PGBD1: variants seen among roughly 807,000 people sequenced by gnomAD.
PGBD1 encodes the protein piggyBac transposable element derived 1, also known as piggyBac transposable element-derived protein 1.
Under a neutral mutation model 34.7 loss-of-function variants are expected in PGBD1, and 25 were observed. The observed-to-expected ratio is 0.72, with a 90% confidence interval of 0.52 to 1.00. PGBD1 has a LOEUF of 1.00. Among genes scored for constraint, PGBD1 ranks in the 50% least tolerant of loss-of-function variants. The pLI, the probability that PGBD1 is intolerant of heterozygous loss-of-function variation, is 0.00. For missense variants in PGBD1, 830 were observed against 959.4 expected (o/e 0.87, Z 1.78); for synonymous variants, 292 against 335.7 (o/e 0.87, Z 1.42).
chr6:28,286,488 A>G (rs1581629315), intron 3 of PGBD1, among the ~76,000 whole-genome samples: 2 of 152,270 alleles, frequency 1.3e-5, no homozygotes, highest in Admixed American at 1.3e-4. Flanking sequence ...TATTTTGAGG[A>G]TTGGAAATAA....
rs1561892123 is a variant in PGBD1 at position 28,300,625 on chromosome 6, C to T, written c.870-99C>T. ...GAAATAAGTAAGTATCCCCCCACAC[C>T]CACCCCAAGCCCCAAAAGATTTAAG... On this transcript the variant is annotated intron_variant, in intron 6 of 6. Coordinates refer to ENST00000682144, the MANE Select transcript of PGBD1 (RefSeq NM_032507.4). This position sits in a 1 kb window ranked among gnomAD's most constrained non-coding sequence, Gnocchi z 4.0. The T allele has an allele frequency of 2.2e-6, 3 of 1,384,420 alleles. No homozygotes were observed. The highest frequency in any genetic ancestry group is 2.9e-6 in the Non-Finnish European group (3 of 1,027,724). 85.8% of individuals were successfully genotyped at this position (1,384,420 alleles called of 1,614,324 possible). A position where few individuals can be genotyped will look rare whatever the true frequency, so the allele number is the denominator to read the frequency against.
chr6:28,295,281 A>C (rs1401676527), intron 4 of PGBD1, among the ~76,000 whole-genome samples: 3 of 152,186 alleles, frequency 2.0e-5, no homozygotes, highest in African/African-American at 7.2e-5. Flanking sequence ...GATTGAATCT[A>C]CTCCTGGTGA....
At chr6:28,296,788 A>G in intron 4 of PGBD1, 28 bp from the exon 5 acceptor site, 1 of 1,613,028 alleles carries the variant, frequency 6.2e-7, no homozygotes. Context: ...GAAAACAAAG[A>G]GGCTATTTTC....
rs373880207 is a variant in PGBD1 at position 28,300,735 on chromosome 6, C to T, written c.881C>T (p.Pro294Leu). 104 of 1,610,128 alleles carry T rather than the reference C, an allele frequency of 6.5e-5. No individual in the cohort carries two copies. The Middle Eastern group carries it at 1.5e-3, about 23-fold the overall frequency. ...ASGKPNRECAPQIPCSTPIAT... is the reference protein window; with the variant it reads ...ASGKPNRECALQIPCSTPIAT... ...TTTTTCTTTCCCAGAGAGTGTGCAC[C>T]CCAGATTCCTTGTAGTACTCCTATT... Residue 294 changes from proline (P) to leucine (L), a missense_variant, in exon 7 of 7, where the codon CCC becomes CTC. Transcript: ENST00000682144. This position sits in a 1 kb window ranked among gnomAD's most constrained non-coding sequence, Gnocchi z 4.0.
Position 28,297,828 on chromosome 6 carries a change from T to G in PGBD1, c.773-67T>G, listed in dbSNP as rs902068485. ...CCCTACCCTGGAAGTTTTTTTTTTTTTTTTTTTTTTTTTTTTTCAAAATTC... is the reference window on the plus strand; with the variant it reads ...CCCTACCCTGGAAGTTTTTTTTTTTGTTTTTTTTTTTTTTTTTCAAAATTC... On this transcript the variant is annotated intron_variant, in intron 5 of 6. Coordinates refer to ENST00000682144, the MANE Select transcript of PGBD1 (RefSeq NM_032507.4). 862 of 281,140 alleles carry G rather than the reference T, an allele frequency of 3.1e-3. 2 individuals carry two copies. Among genetic ancestry groups the G allele is most frequent in the South Asian group, 5.0e-3 (69 of 13,688 alleles). The allele number at this position is 281,140 out of a possible 1,614,324, so 17.4% of individuals were successfully genotyped here.
chr6:28,285,542 T>G lies in PGBD1; in HGVS notation c.397-9T>G. 6.2e-7 allele frequency: 1 copy of G among 1,613,046 alleles called. No homozygotes were observed. The highest frequency in any genetic ancestry group is 8.5e-7 in the Non-Finnish European group (1 of 1,179,458). On this transcript the variant is annotated splice_polypyrimidine_tract_variant and intron_variant, in intron 2 of 6. Transcript: ENST00000682144. ...GCATGCCCTTTCAAAATAAATCTTT[T>G]GTTTCCAGGCCTCTGTCTATATTCA...
chr6:28,301,805 C>G lies in PGBD1; in HGVS notation c.1951C>G (p.Arg651Gly). 1 of 1,613,994 alleles carries G rather than the reference C, an allele frequency of 6.2e-7. No individual in the cohort carries two copies. Among genetic ancestry groups the G allele is most frequent in the Non-Finnish European group, 8.5e-7 (1 of 1,179,996 alleles). ...KKGVRATGTI[R>G]ENRTEKCPLM... Reference sequence around the variant, plus strand: ...GGGGGTGAGGGCAACAGGAACAATTCGTGAGAACAGGACCGAAAAATGTCC... The same window carrying G: ...GGGGGTGAGGGCAACAGGAACAATTGGTGAGAACAGGACCGAAAAATGTCC... The change falls in exon 7 of 7, where the codon CGT becomes GGT. Residue 651 changes from arginine to glycine, a missense_variant. Physicochemically the swap from Arg to Gly is moderately radical, Grantham distance 125. Transcript: ENST00000682144.
intron 4 of PGBD1, 96 bp downstream of exon 4, chr6:28,287,264 T>A: frequency 9.8e-7 from 1 of 1,016,946 alleles, no homozygotes; most frequent in Non-Finnish European, 1.5e-6. Flanking sequence ...CTCATCATCG[T>A]GAGAGCCATT....
chr6:28,283,433 C>G (rs999077142), intron 1 of PGBD1, among the ~76,000 whole-genome samples: 5 of 152,172 alleles, frequency 3.3e-5, no homozygotes, highest in Admixed American at 6.5e-5. Flanking sequence ...TATAGAAGAC[C>G]TTTGAGACTG....
chr6:28,292,779 T>A, intron 4 of PGBD1, among the ~76,000 whole-genome samples: 1 of 150,976 alleles, frequency 6.6e-6, no homozygotes, highest in East Asian at 1.9e-4. Flanking sequence ...GAAAGAAAAA[T>A]GCCCAAGTGA....
intron 4 of PGBD1, among the ~76,000 whole-genome samples, chr6:28,290,257 G>A (rs993771569): frequency 6.6e-6 from 1 of 152,068 alleles, no homozygotes; most frequent in Non-Finnish European, 1.5e-5. Flanking sequence ...CACCATGCCT[G>A]GGTAATTTTT....
At chr6:28,298,189 C>G (rs2113756693) in intron 6 of PGBD1, among the ~76,000 whole-genome samples, 198 bp downstream of exon 6, 1 of 152,168 alleles carries the variant, frequency 6.6e-6, no homozygotes. Context: ...TATACAAAAC[C>G]TTCAGTTGAT....
intron 1 of PGBD1, among the ~76,000 whole-genome samples, chr6:28,282,425 A>G (rs76143968): frequency 0.012 from 1,782 of 152,268 alleles, 9 homozygotes; most frequent in Non-Finnish European, 0.018. Context: ...GTGTGTGTTT[A>G]TGTGTGTGTG....
chr6:28,285,970 A>C (rs1368542864), intron 3 of PGBD1, among the ~76,000 whole-genome samples: 3 of 152,184 alleles, frequency 2.0e-5, no homozygotes, highest in Admixed American at 2.0e-4. Context: ...TTATAACTGC[A>C]AGTTTATACC....
chr6:28,296,968 A>G, intron 5 of PGBD1, 23 bp downstream of exon 5: 2 of 1,612,588 alleles, frequency 1.2e-6, no homozygotes, highest in South Asian at 1.1e-5. Context: ...CTCTGGCTGG[A>G]CCCCTGTCTG....
intron 4 of PGBD1, among the ~76,000 whole-genome samples, chr6:28,292,336 AC>A (rs1221884621): frequency 6.6e-6 from 1 of 152,212 alleles, no homozygotes; most frequent in Non-Finnish European, 1.5e-5. Flanking sequence ...TACAAAAGCT[AC>A]AAAAAATATA....
intron 4 of PGBD1, among the ~76,000 whole-genome samples, chr6:28,295,905 A>G (rs1391923089): frequency 6.6e-6 from 1 of 152,186 alleles, no homozygotes; most frequent in Non-Finnish European, 1.5e-5. Flanking sequence ...TAGGGTGATG[A>G]TGAGTTAAAG....
intron 2 of PGBD1, 60 bp from the exon 3 acceptor site, chr6:28,285,491 A>G (rs1392495869): frequency 5.2e-6 from 8 of 1,536,750 alleles, no homozygotes; most frequent in Non-Finnish European, 6.2e-6. Flanking sequence ...GAACAGTGCC[A>G]GGCTCTTAGC....
At chr6:28,286,999 G>A in intron 3 of PGBD1, 81 bp from the exon 4 acceptor site, 1 of 1,028,478 alleles carries the variant, frequency 9.7e-7, no homozygotes, top group South Asian at 1.3e-5. Flanking sequence ...ATAACATTTG[G>A]GGGAAAAGGC....
Sources: allele counts gnomAD v4.1 joint callset (sites outside exome capture counted in the v4.1 genomes callset), GRCh38; gene constraint gnomAD v4.1.1; non-coding constraint Gnocchi (gnomAD v3.1); transcripts MANE v1.5; gene names NCBI Gene and HGNC (gene_info 2026-07-23, HGNC 2026-07-21).